Variants in AFF3 observed in about 807,000 individuals in gnomAD.
The protein encoded by AFF3 is ALF transcription elongation factor 3.
In AFF3, 32 loss-of-function variants were observed where a neutral mutation model predicts 129.7. The observed-to-expected ratio is 0.25, with a 90% CI of 0.19 to 0.33. The LOEUF is 0.33. Ranked by LOEUF, AFF3 falls within the 10% of genes least tolerant of loss-of-function variation. The pLI, the probability that AFF3 is intolerant of heterozygous loss-of-function variation, is 1.00. For synonymous variants in AFF3, 644 were observed against 635.4 expected (o/e 1.01, Z -0.20); for missense variants, 1,373 against 1,592.0 (o/e 0.86, Z 2.34).
chr2:99,733,041 C>A (rs1679958349), intron 10 of AFF3, among the ~76,000 whole-genome samples: 1 of 151,942 alleles, frequency 6.6e-6, no homozygotes, highest in South Asian at 2.1e-4. Context: ...CAATAAGAGT[C>A]ATACATATAG....
At chr2:99,690,743 AT>A (rs1219294257) in intron 11 of AFF3, among the ~76,000 whole-genome samples, 1 of 151,918 alleles carries the variant, frequency 6.6e-6, no homozygotes, top group Non-Finnish European at 1.5e-5. Flanking sequence ...TCACAAATAT[AT>A]TTTGGTTAAA....
intron 8 of AFF3, among the ~76,000 whole-genome samples, chr2:99,811,523 G>C (rs1458461017): frequency 6.6e-6 from 1 of 152,080 alleles, no homozygotes; most frequent in African/African-American, 2.4e-5. Context: ...CACCTTTACA[G>C]TATGTGTCAT....
intron 22 of AFF3, among the ~76,000 whole-genome samples, chr2:99,558,255 T>C (rs149555246): frequency 1.3e-5 from 2 of 152,320 alleles, no homozygotes; most frequent in African/African-American, 4.8e-5. Flanking sequence ...GGAATTTATG[T>C]TAGCTATAAA....
chr2:99,881,674 C>G (rs191627359), intron 7 of AFF3, among the ~76,000 whole-genome samples: 3 of 151,506 alleles, frequency 2.0e-5, no homozygotes, highest in South Asian at 2.1e-4. Context: ...CACGCATTCA[C>G]TTTTTTGTTT....
chr2:99,696,417 T>C (rs2104726317), intron 11 of AFF3, among the ~76,000 whole-genome samples: 1 of 152,304 alleles, frequency 6.6e-6, no homozygotes, highest in East Asian at 1.9e-4. Context: ...AAACTCTGCA[T>C]TTAATATTTG....
chr2:100,139,267 C>A (rs1199598038), intron 1 of AFF3, among the ~76,000 whole-genome samples: 1 of 152,144 alleles, frequency 6.6e-6, no homozygotes, highest in African/African-American at 2.4e-5. Context: ...GAGAAAGCTG[C>A]CACAAAGCAT....
At chr2:100,039,003 TG>T (rs1457338370) in intron 4 of AFF3, among the ~76,000 whole-genome samples, 1 of 152,156 alleles carries the variant, frequency 6.6e-6, no homozygotes, top group Non-Finnish European at 1.5e-5. Flanking sequence ...AGACTACAGG[TG>T]TGACCCACCA....
intron 7 of AFF3, among the ~76,000 whole-genome samples, chr2:99,940,894 C>T (rs1674972734): frequency 6.7e-6 from 1 of 149,284 alleles, no homozygotes; most frequent in Admixed American, 6.6e-5. Flanking sequence ...AACCAGGAGG[C>T]AATTCCAGCT....
chr2:99,619,369 G>C (rs185190258), intron 13 of AFF3, among the ~76,000 whole-genome samples: 33 of 152,348 alleles, frequency 2.2e-4, no homozygotes, highest in Admixed American at 2.1e-3. Context: ...GGCCATATCA[G>C]CTCAAGCTGT....
rs766352229 is a variant in AFF3, at chr2:100,007,512, G to T, written c.175-52C>A. ...TATTGTTAGAGACAACAGAAACACC[G>T]GAGATAATCAACAGGTGCCCTTATC... On this transcript the variant is annotated intron_variant, in intron 5 of 24. Coordinates refer to ENST00000672756, the MANE Select transcript of AFF3 (RefSeq NM_001386135.1). 4.0e-6 allele frequency: 6 copies of T among 1,508,870 alleles called. No homozygotes were observed. In the African/African-American group the frequency reaches 4.1e-5, roughly 10 times the overall value. 93.5% of individuals were successfully genotyped at this position (1,508,870 alleles called of 1,614,324 possible).
chr2:100,099,143 A>G (rs1341264156), intron 4 of AFF3, among the ~76,000 whole-genome samples: 1 of 145,166 alleles, frequency 6.9e-6, no homozygotes, highest in African/African-American at 2.7e-5. Flanking sequence ...GGGCTCAGAC[A>G]GGTGCACTCT....
At chr2:99,877,293 T>C (rs531252564) in intron 7 of AFF3, among the ~76,000 whole-genome samples, 1 of 152,146 alleles carries the variant, frequency 6.6e-6, no homozygotes, top group Non-Finnish European at 1.5e-5. Context: ...GGAGATGTAA[T>C]CGGTATGAAG....
chr2:100,140,645 G>A (rs1246936105), intron 1 of AFF3, among the ~76,000 whole-genome samples: 1 of 152,170 alleles, frequency 6.6e-6, no homozygotes, highest in Non-Finnish European at 1.5e-5. Context: ...GGCACTGAAT[G>A]CATGTTATAT....
intron 8 of AFF3, among the ~76,000 whole-genome samples, chr2:99,766,773 T>TA (rs1683057446): frequency 6.6e-6 from 1 of 152,204 alleles, no homozygotes; most frequent in African/African-American, 2.4e-5. Flanking sequence ...TGGGAAAAGA[T>TA]ATTCTATGGG....
intron 7 of AFF3, among the ~76,000 whole-genome samples, chr2:99,902,739 C>T (rs1234346397): frequency 3.3e-5 from 5 of 151,946 alleles, no homozygotes; most frequent in Non-Finnish European, 7.4e-5. Flanking sequence ...TTGATTTTAA[C>T]GAAGAATAAA....
chr2:99,585,612 C>T (rs1486594388), intron 16 of AFF3, among the ~76,000 whole-genome samples: 1 of 152,206 alleles, frequency 6.6e-6, no homozygotes, highest in Non-Finnish European at 1.5e-5. Flanking sequence ...CTCACTGTAA[C>T]AGAACATTTC....
At chr2:100,015,664 G>C (rs1324230566) in intron 4 of AFF3, among the ~76,000 whole-genome samples, 1 of 152,192 alleles carries the variant, frequency 6.6e-6, no homozygotes, top group South Asian at 2.1e-4. Context: ...AAGTGTACTT[G>C]CAAATTCCCT....
intron 13 of AFF3, among the ~76,000 whole-genome samples, chr2:99,623,727 C>T (rs114237887): frequency 0.02 from 3,019 of 152,310 alleles, 107 homozygotes; most frequent in African/African-American, 0.068. Flanking sequence ...TGGGGCAAAA[C>T]GCGGGTGCCA....
At chr2:100,019,891 AC>A (rs1319526018) in intron 4 of AFF3, among the ~76,000 whole-genome samples, 1 of 151,480 alleles carries the variant, frequency 6.6e-6, no homozygotes, top group Admixed American at 6.6e-5. Flanking sequence ...TATCCCCCCA[AC>A]CCCACCTTCC....
Sources: allele counts gnomAD v4.1 joint callset (sites outside exome capture counted in the v4.1 genomes callset), GRCh38; gene constraint gnomAD v4.1.1; transcripts MANE v1.5; gene names NCBI Gene and HGNC (gene_info 2026-07-23, HGNC 2026-07-21).